Variants in NDUFS1 observed in about 807,000 individuals in gnomAD.
NDUFS1 encodes NADH:ubiquinone oxidoreductase core subunit S1.
In NDUFS1, 61 loss-of-function variants were observed where a neutral mutation model predicts 84.4. The observed-to-expected ratio is 0.72, with a 90% CI of 0.59 to 0.89. NDUFS1 has a LOEUF of 0.89. NDUFS1 is among the 40% of genes least tolerant of loss of function. NDUFS1 has a pLI of 0.00. For synonymous variants in NDUFS1, 275 were observed against 290.0 expected, an observed-to-expected ratio of 0.95 and a Z score of 0.53; for missense variants, 891 against 890.0, an observed-to-expected ratio of 1.00 and a Z score of -0.01.
chr2:206,129,289 T>C (rs1242929184), intron 15 of NDUFS1, among the ~76,000 whole-genome samples: 1 of 152,120 alleles, frequency 6.6e-6, no homozygotes, highest in Non-Finnish European at 1.5e-5. Flanking sequence ...ATAACATTTT[T>C]TATTGCTCTG....
rs930577331 is a variant in NDUFS1 at position 206,118,516 on chromosome 2, C to T, written c.*5669G>A. 1.3e-5 allele frequency: 2 copies of T among 152,294 alleles called. No individual in the cohort carries two copies. Among genetic ancestry groups the T allele is most frequent in the African/African-American group, 4.8e-5 (2 of 41,412 alleles). 9.4% of individuals were successfully genotyped at this position (152,294 alleles called of 1,614,324 possible). A position where few individuals can be genotyped will look rare whatever the true frequency, so the allele number is the denominator to read the frequency against. The stretch of plus-strand genomic sequence containing the variant: ...TGGCGTGTGCCTGTAGTCCCAGCCA[C>T]TTGGGAGACTGAAGTGGGAGGATGG... On this transcript the variant is annotated 3_prime_UTR_variant, in exon 19 of 19. Transcript: ENST00000233190.
intron 7 of NDUFS1, 29 bp from the exon 8 acceptor site, chr2:206,147,117 G>A: frequency 6.2e-7 from 1 of 1,603,448 alleles, no homozygotes; most frequent in Non-Finnish European, 8.5e-7. Context: ...GTCATCAATG[G>A]TCAAGTCCAG....
chr2:206,116,889 G>GA lies in NDUFS1; in HGVS notation c.*7295_*7296insT. The GA allele has an allele frequency of 1.2e-5, 2 of 162,644 alleles. No homozygotes were observed. Among genetic ancestry groups the GA allele is most frequent in the Non-Finnish European group, 1.3e-5 (1 of 74,560 alleles). 10.1% of individuals were successfully genotyped at this position (162,644 alleles called of 1,614,324 possible). ...ACAAAAATTAGCTGGGCATGGTGGC[G>GA]CACACCTGTAATCCTAGCTAGATCC... On this transcript the variant is annotated 3_prime_UTR_variant, in exon 19 of 19. Coordinates refer to ENST00000233190, the MANE Select transcript of NDUFS1 (RefSeq NM_005006.7).
At chr2:206,153,862 A>G (rs760474971) in intron 1 of NDUFS1, among the ~76,000 whole-genome samples, 180 bp from the exon 2 acceptor site, 22 of 152,204 alleles carry the variant, frequency 1.4e-4, no homozygotes, top group Non-Finnish European at 2.5e-4. Context: ...TGACTTGTAC[A>G]ATGTCAAAGA....
At chr2:206,154,655 G>A (rs770502036) in intron 1 of NDUFS1, among the ~76,000 whole-genome samples, 7 of 152,004 alleles carry the variant, frequency 4.6e-5, no homozygotes, top group Non-Finnish European at 8.8e-5. Flanking sequence ...ATGGAGTCTC[G>A]CCCTATCACC....
intron 5 of NDUFS1, 53 bp downstream of exon 5, chr2:206,148,967 T>C: frequency 5.2e-6 from 7 of 1,341,872 alleles, no homozygotes; most frequent in Non-Finnish European, 6.4e-6. Flanking sequence ...AATACCAAAA[T>C]GTGCAATTTT....
chr2:206,139,910 A>C (rs1425972358), intron 12 of NDUFS1, among the ~76,000 whole-genome samples: 3 of 151,652 alleles, frequency 2.0e-5, no homozygotes, highest in Non-Finnish European at 2.9e-5. Context: ...AGGGACCAGA[A>C]GAGTCATGAA....
intron 15 of NDUFS1, among the ~76,000 whole-genome samples, chr2:206,128,944 A>G (rs1176471865): frequency 6.6e-6 from 1 of 152,164 alleles, no homozygotes; most frequent in African/African-American, 2.4e-5. Flanking sequence ...GAAATTTGGT[A>G]AAGTAGACTG....
chr2:206,142,923 A>C lies in NDUFS1; in HGVS notation c.988-92T>G. Reference sequence around the variant, plus strand: ...AGAAAATAAAACAGTACTTGTTTTCAAGTACAAAAAAAGTTAACAGACTTC... The same window carrying C: ...AGAAAATAAAACAGTACTTGTTTTCCAGTACAAAAAAAGTTAACAGACTTC... On this transcript the variant is annotated intron_variant, in intron 10 of 18. Transcript: ENST00000233190. 4 of 1,522,978 alleles carry C rather than the reference A, an allele frequency of 2.6e-6. No individual in the cohort carries two copies. In the South Asian group the frequency reaches 4.8e-5, roughly 18 times the overall value. 94.3% of individuals were successfully genotyped at this position (1,522,978 alleles called of 1,614,324 possible). A position where few individuals can be genotyped will look rare whatever the true frequency, so the allele number is the denominator to read the frequency against.
chr2:206,119,291 A>G lies in NDUFS1; in HGVS notation c.*4894T>C, dbSNP rs1559036560. On this transcript the variant is annotated 3_prime_UTR_variant, in exon 19 of 19. Coordinates refer to ENST00000233190, the MANE Select transcript of NDUFS1 (RefSeq NM_005006.7). ...CATCAAAACAATTCTATGAGGCTGG[A>G]AGTAGGTACAATTTTACAATTTTTA... is the stretch of plus-strand genomic sequence containing the variant. The G allele has an allele frequency of 6.6e-6, 1 of 152,196 alleles. No homozygotes were observed. The highest frequency in any genetic ancestry group is 1.5e-5 in the Non-Finnish European group (1 of 68,030). 9.4% of individuals were successfully genotyped at this position (152,196 alleles called of 1,614,324 possible). A position where few individuals can be genotyped will look rare whatever the true frequency, so the allele number is the denominator to read the frequency against.
Position 206,141,871 on chromosome 2 carries a change from C to T in NDUFS1, c.1262+70G>A, listed in dbSNP as rs561170677. 91 of 1,375,864 alleles carry T rather than the reference C, an allele frequency of 6.6e-5. No individual in the cohort carries two copies. In the African/African-American group the frequency reaches 1.2e-3, roughly 18 times the overall value. 85.2% of individuals were successfully genotyped at this position (1,375,864 alleles called of 1,614,324 possible). A position where few individuals can be genotyped will look rare whatever the true frequency, so the allele number is the denominator to read the frequency against. On this transcript the variant is annotated intron_variant, in intron 12 of 18. Coordinates refer to ENST00000233190, the MANE Select transcript of NDUFS1 (RefSeq NM_005006.7). ...TACCACTAACACTATTAGGAAGATG[C>T]CATTTTTCACATATAAAACAAAAAA...
At position 206,149,941 on chromosome 2, in the gene NDUFS1, A is replaced by C; in HGVS notation, c.154-16T>G. On this transcript the variant is annotated splice_polypyrimidine_tract_variant and intron_variant, in intron 3 of 18. Coordinates refer to ENST00000233190, the MANE Select transcript of NDUFS1 (RefSeq NM_005006.7). ...TCTCACAAGCCTAGAAGTAAAAAAAAAAAAAAAAAAAAAAAAAGCATTAGA... is the reference window on the plus strand; with the variant it reads ...TCTCACAAGCCTAGAAGTAAAAAAACAAAAAAAAAAAAAAAAAGCATTAGA... 7.0e-7 allele frequency: 1 copy of C among 1,431,326 alleles called. No individual in the cohort carries two copies. Among genetic ancestry groups the C allele is most frequent in the Non-Finnish European group, 9.7e-7 (1 of 1,033,232 alleles). The allele number at this position is 1,431,326 out of a possible 1,614,324, so 88.7% of individuals were successfully genotyped here.
At chr2:206,134,450 G>A (rs1691632942) in intron 13 of NDUFS1, among the ~76,000 whole-genome samples, 2 of 151,648 alleles carry the variant, frequency 1.3e-5, no homozygotes, top group East Asian at 2.0e-4. Flanking sequence ...CCTGGGCAAC[G>A]TGGCAAAACC....
rs142941808 is a variant in NDUFS1, at chr2:206,144,938, G to A, written c.826C>T (p.Arg276Cys). ...TCTTCATTGATGTCCTCATGCATACGTGGCAAAATCCTCATCACTTCTCCA... is the reference window on the plus strand; with the variant it reads ...TCTTCATTGATGTCCTCATGCATACATGGCAAAATCCTCATCACTTCTCCA... ...RTGEVMRILP[R>C]MHEDINEEWI... Residue 276 changes from arginine (R) to cysteine (C), a missense_variant, in exon 9 of 19, where the codon CGT becomes TGT. Transcript: ENST00000233190. The A allele has an allele frequency of 4.6e-5, 75 of 1,613,828 alleles. No homozygotes were observed. In the African/African-American group the frequency reaches 8.0e-4, roughly 17 times the overall value.
At position 206,152,409 on chromosome 2, in the gene NDUFS1, G is replaced by A; in HGVS notation, c.153+10C>T. On this transcript the variant is annotated intron_variant, in intron 3 of 18. Coordinates refer to ENST00000233190, the MANE Select transcript of NDUFS1 (RefSeq NM_005006.7). ...AACACACACACAAAATAGTTAGAAT[G>A]TATGCCTACTTGGAGGACGGTCGTT... The A allele has an allele frequency of 3.7e-6, 6 of 1,607,868 alleles. No homozygotes were observed. Among genetic ancestry groups the A allele is most frequent in the Middle Eastern group, 1.7e-4 (1 of 6,054 alleles).
intron 12 of NDUFS1, 57 bp from the exon 13 acceptor site, chr2:206,138,671 T>A (rs1387777392): frequency 5.8e-6 from 9 of 1,540,408 alleles, no homozygotes; most frequent in Admixed American, 1.7e-5. Context: ...GTTACTGGTC[T>A]CATCAATCCT....
intron 14 of NDUFS1, among the ~76,000 whole-genome samples, chr2:206,131,384 T>C (rs1247377346): frequency 1.3e-5 from 2 of 152,210 alleles, no homozygotes; most frequent in Admixed American, 1.3e-4. Context: ...CATTTTTATT[T>C]ACAAACAATT....
chr2:206,137,865 T>C (rs75618986), intron 13 of NDUFS1, among the ~76,000 whole-genome samples: 12,112 of 152,252 alleles, frequency 0.08, 741 homozygotes, highest in Admixed American at 0.19. Flanking sequence ...AGTGCAATTC[T>C]TTCAGGTTTA....
rs367723817 is a variant in NDUFS1 at position 206,140,943 on chromosome 2, T to TATATATATATACACACACAC, written c.1262+997_1262+998insGTGTGTGTGTATATATATAT. Among the ~76,000 whole-genome samples, 1,130 of 136,008 alleles carry TATATATATATACACACACAC rather than the reference T, an allele frequency of 8.3e-3. 9 individuals carry two copies. The highest frequency in any genetic ancestry group is 0.016 in the Admixed American group (202 of 12,914). 89.2% of individuals were successfully genotyped at this position (136,008 alleles called of 152,430 possible). ...GTGTGTATATATATATATATATATATACACACACACTGAGAATCATAATAC... is the reference window on the plus strand; with the variant it reads ...GTGTGTATATATATATATATATATATATATATATATACACACACACACACACACACTGAGAATCATAATAC... On this transcript the variant is annotated intron_variant, in intron 12 of 18. Coordinates refer to ENST00000233190, the MANE Select transcript of NDUFS1 (RefSeq NM_005006.7).
Sources: gnomAD v4.1 joint callset for allele counts (sites outside exome capture counted in the v4.1 genomes callset) on GRCh38, gnomAD v4.1.1 for gene constraint, MANE v1.5 for transcripts, NCBI Gene and HGNC (gene_info 2026-07-23, HGNC 2026-07-21) for gene names.